SEPTIN10: variants seen among roughly 807,000 people sequenced by gnomAD.
SEPTIN10 encodes the protein septin-10.
Under a neutral mutation model 54.8 loss-of-function variants are expected in SEPTIN10, and 66 were observed. The observed-to-expected ratio is 1.21, with a 90% confidence interval of 0.99 to 1.48. SEPTIN10 has a LOEUF of 1.48. SEPTIN10 is among the 40% of genes most tolerant of loss of function. The pLI is 0.00. For synonymous variants in SEPTIN10, 161 were observed against 181.0 expected (o/e 0.89, Z 0.89); for missense variants, 620 against 545.6 (o/e 1.14, Z -1.36).
At chr2:109,575,186 G>A (rs959013467) in intron 4 of SEPTIN10, among the ~76,000 whole-genome samples, 2 of 152,172 alleles carry the variant, frequency 1.3e-5, no homozygotes, top group Non-Finnish European at 2.9e-5. Flanking sequence ...GTCCCTTTCT[G>A]ACAAAGCTTC....
chr2:109,565,109 T>A (rs1037838576), intron 7 of SEPTIN10, among the ~76,000 whole-genome samples: 2 of 152,202 alleles, frequency 1.3e-5, no homozygotes, highest in Admixed American at 6.5e-5. Context: ...TATATTTTAT[T>A]GTGACCAATA....
In SEPTIN10 at chr2:109,591,046, T is replaced by C. The variant is rs74962296; in HGVS notation, c.99+2005A>G. On this transcript the variant is annotated intron_variant, in intron 2 of 10. Transcript: ENST00000397712. ...CAGATGCCGTTTTAAGCCGCTAAAT[T>C]TGTGACGATTTGTTATGCAGCAACA... Among the ~76,000 whole-genome samples the C allele has an allele frequency of 2.3e-4, 35 of 152,322 alleles. 1 individual carries two copies. The East Asian group carries it at 6.6e-3, about 29-fold the overall frequency.
At chr2:109,574,250 C>T (rs1366482805) in intron 5 of SEPTIN10, among the ~76,000 whole-genome samples, 1 of 147,784 alleles carries the variant, frequency 6.8e-6, no homozygotes, top group Non-Finnish European at 1.5e-5. Context: ...ACCAACTGGG[C>T]AACATACCAA....
chr2:109,554,076 T>C (rs1435534964), intron 8 of SEPTIN10, among the ~76,000 whole-genome samples: 4 of 152,148 alleles, frequency 2.6e-5, no homozygotes, highest in Non-Finnish European at 2.9e-5. Flanking sequence ...ACCCTTCTAA[T>C]ATTAAACACT....
rs145093729 is a variant in SEPTIN10, at chr2:109,564,528, T to C, written c.866A>G (p.Asn289Ser). 5 of 1,507,820 alleles carry C rather than the reference T, an allele frequency of 3.3e-6. No homozygotes were observed. The highest frequency in any genetic ancestry group is 2.3e-5 in the East Asian group (1 of 42,702). The allele number at this position is 1,507,820 out of a possible 1,614,324, so 93.4% of individuals were successfully genotyped here. A position where few individuals can be genotyped will look rare whatever the true frequency, so the allele number is the denominator to read the frequency against. Residue 289 changes from asparagine (N) to serine (S), a missense_variant, in exon 8 of 11, where the codon AAT (asparagine) becomes AGT (serine). Coordinates refer to ENST00000397712, the MANE Select transcript of SEPTIN10 (RefSeq NM_144710.5). The stretch of plus-strand genomic sequence containing the variant: ...CTTTACAAAGTCACAGTGGTTTTCA[T>C]TTTCCACTAGCCAAAAAAAAATAAG... ...QYPWGVVQVE[N>S]ENHCDFVKLR...
intron 5 of SEPTIN10, among the ~76,000 whole-genome samples, chr2:109,569,433 T>C (rs994519548): frequency 7.7e-6 from 1 of 129,838 alleles, no homozygotes; most frequent in Non-Finnish European, 1.6e-5. Flanking sequence ...AGCAAAACTC[T>C]TGTTAAAAAA....
chr2:109,571,844 A>G (rs1688473144), intron 5 of SEPTIN10, among the ~76,000 whole-genome samples: 1 of 152,176 alleles, frequency 6.6e-6, no homozygotes, highest in East Asian at 1.9e-4. Context: ...TCTTCCATTT[A>G]TTCCTGAAAA....
Position 109,593,113 on chromosome 2 carries a change from G to C in SEPTIN10, c.37C>G (p.Gln13Glu), listed in dbSNP as rs1272149678. ...GTTGTTTTCGTTGCCATGTGAGACT[G>C]AAAGAGCTAAAAAAGGAATACAAAG... The part of the protein sequence containing the change: ...SSEVARHLLF[Q>E]SHMATKTTCM... Residue 13 changes from glutamine to glutamate, a missense_variant, in exon 2 of 11, where the codon CAG (glutamine) becomes GAG (glutamate). Coordinates refer to ENST00000397712, the MANE Select transcript of SEPTIN10 (RefSeq NM_144710.5). 1 of 1,595,664 alleles carries C rather than the reference G, an allele frequency of 6.3e-7. No homozygotes were observed. The highest frequency in any genetic ancestry group is 8.5e-7 in the Non-Finnish European group (1 of 1,171,856).
At chr2:109,608,984 T>A (rs1698628003) in intron 1 of SEPTIN10, among the ~76,000 whole-genome samples, 1 of 152,222 alleles carries the variant, frequency 6.6e-6, no homozygotes. Flanking sequence ...AGGGACTCTA[T>A]CCTGCAGTAG....
chr2:109,597,534 C>T (rs1273133264), intron 1 of SEPTIN10, among the ~76,000 whole-genome samples: 1 of 152,166 alleles, frequency 6.6e-6, no homozygotes, highest in Non-Finnish European at 1.5e-5. Flanking sequence ...TTTCAACGCA[C>T]AAGGGGGTAA....
intron 8 of SEPTIN10, among the ~76,000 whole-genome samples, chr2:109,554,663 A>AT (rs912835124): frequency 1.3e-5 from 2 of 152,108 alleles, no homozygotes; most frequent in Admixed American, 6.6e-5. Flanking sequence ...CCGGGAATCA[A>AT]TTTTTTTTCT....
intron 1 of SEPTIN10, among the ~76,000 whole-genome samples, chr2:109,602,680 TA>T (rs1180569816): frequency 0.022 from 2,107 of 95,018 alleles, 65 homozygotes; most frequent in East Asian, 0.16. Flanking sequence ...CATCTCAAAT[TA>T]AAAAAAAAAA....
chr2:109,595,746 C>T (rs1159645642), intron 1 of SEPTIN10, among the ~76,000 whole-genome samples: 1 of 152,158 alleles, frequency 6.6e-6, no homozygotes, highest in African/African-American at 2.4e-5. Context: ...AGATTAGAGA[C>T]AATACCTGAG....
rs1195842446 is a variant in SEPTIN10 at position 109,585,845 on chromosome 2, G to A, written c.100-7C>T. Reference sequence around the variant, plus strand: ...AACGAATGTTTTCTCTTTTCTGAAGGAAAATAAAAACAAAAACAACAGCAA... The same window carrying A: ...AACGAATGTTTTCTCTTTTCTGAAGAAAAATAAAAACAAAAACAACAGCAA... On this transcript the variant is annotated splice_region_variant and splice_polypyrimidine_tract_variant and intron_variant, in intron 2 of 10. Coordinates refer to ENST00000397712, the MANE Select transcript of SEPTIN10 (RefSeq NM_144710.5). 5 of 1,579,402 alleles carry A rather than the reference G, an allele frequency of 3.2e-6. No homozygotes were observed. The highest frequency in any genetic ancestry group is 4.3e-6 in the Non-Finnish European group (5 of 1,158,128).
At chr2:109,557,826 A>G (rs974981175) in intron 8 of SEPTIN10, among the ~76,000 whole-genome samples, 2 of 152,092 alleles carry the variant, frequency 1.3e-5, no homozygotes, top group African/African-American at 4.8e-5. Context: ...TTTCTAGCAT[A>G]AAAGTAGCTT....
intron 8 of SEPTIN10, among the ~76,000 whole-genome samples, chr2:109,556,696 T>C (rs952106711): frequency 6.6e-6 from 1 of 152,160 alleles, no homozygotes; most frequent in Admixed American, 6.6e-5. Context: ...ATCAGCTACT[T>C]TCTTCATCTT....
At chr2:109,576,465 C>G (rs1382273646) in intron 4 of SEPTIN10, among the ~76,000 whole-genome samples, 1 of 151,960 alleles carries the variant, frequency 6.6e-6, no homozygotes, top group Non-Finnish European at 1.5e-5. Flanking sequence ...TTGAACATTA[C>G]AAGAATTCAA....
intron 8 of SEPTIN10, among the ~76,000 whole-genome samples, chr2:109,563,745 TTATAA>T (rs1427202645): frequency 4.6e-5 from 7 of 152,194 alleles, no homozygotes; most frequent in African/African-American, 9.7e-5. Context: ...CCTTCTTCCT[TTATAA>T]TATGTTTTGC....
intron 9 of SEPTIN10, among the ~76,000 whole-genome samples, chr2:109,549,728 C>T (rs1682371063): frequency 6.6e-6 from 1 of 152,090 alleles, no homozygotes; most frequent in African/African-American, 2.4e-5. Context: ...GTACCATACC[C>T]TATGTTTTTT....
Sources: allele counts gnomAD v4.1 joint callset (sites outside exome capture counted in the v4.1 genomes callset), GRCh38; gene constraint gnomAD v4.1.1; transcripts MANE v1.5; gene names NCBI Gene and HGNC (gene_info 2026-07-23, HGNC 2026-07-21).